Variants in ANKRD18A observed in about 807,000 individuals in gnomAD.
ANKRD18A encodes the protein ankyrin repeat domain 18A.
Under a neutral mutation model 110.6 loss-of-function variants are expected in ANKRD18A, and 72 were observed. The ratio of observed to expected loss-of-function variants is 0.65; its 90% CI spans 0.54 to 0.79. The LOEUF (loss-of-function observed/expected upper bound fraction) is 0.79, where lower values mean the gene tolerates loss of function less well. Among genes scored for constraint, ANKRD18A ranks in the 30% least tolerant of loss-of-function variants. The pLI, the probability that ANKRD18A is intolerant of heterozygous loss-of-function variation, is 0.00. For missense variants in ANKRD18A, 934 were observed against 1,163.3 expected, an observed-to-expected ratio of 0.80 and a Z score of 2.87; for synonymous variants, 305 against 410.3, an observed-to-expected ratio of 0.74 and a Z score of 3.10.
intron 6 of ANKRD18A, among the ~76,000 whole-genome samples, chr9:38,606,917 T>C (rs1004886748): frequency 2.0e-5 from 3 of 152,070 alleles, no homozygotes; most frequent in Non-Finnish European, 4.4e-5. Flanking sequence ...TTTCAGACAA[T>C]ACTGTTTGAG....
chr9:38,570,991 G>T, downstream of ANKRD18A: 1 of 1,041,856 alleles, frequency 9.6e-7, no homozygotes, highest in Non-Finnish European at 1.3e-6. Flanking sequence ...GGCCCTTCCT[G>T]AAGAGCCCCG....
Position 38,617,235 on chromosome 9 carries a change from T to A in ANKRD18A, c.207-1191A>T, listed in dbSNP as rs371902131. Among the ~76,000 whole-genome samples the A allele has an allele frequency of 9.9e-5, 15 of 152,128 alleles. No individual in the cohort carries two copies. The East Asian group carries it at 1.7e-3, about 18-fold the overall frequency. ...GGCAGGTGGATCTCTAGGTCAGGAG[T>A]TCAGGACCAGCCTGGCCAACATAGT... On this transcript the variant is annotated intron_variant, in intron 1 of 15. Transcript: ENST00000399703.
At chr9:38,591,767 G>A (rs1293049548) in intron 10 of ANKRD18A, among the ~76,000 whole-genome samples, 9 of 152,122 alleles carry the variant, frequency 5.9e-5, no homozygotes, top group Non-Finnish European at 1.0e-4. Context: ...CAACAGTCAC[G>A]TATGTACTAC....
At chr9:38,584,286 A>G (rs1270301459) in intron 12 of ANKRD18A, among the ~76,000 whole-genome samples, 1 of 152,208 alleles carries the variant, frequency 6.6e-6, no homozygotes, top group Non-Finnish European at 1.5e-5. Flanking sequence ...GCAGCATGAA[A>G]AATTATGCTA....
downstream of ANKRD18A, chr9:38,568,692 T>C: frequency 1.0e-6 from 1 of 971,926 alleles, no homozygotes; most frequent in Non-Finnish European, 1.2e-6. Flanking sequence ...TCCTGGGTAC[T>C]GACACCCTGC....
chr9:38,593,934 T>C, intron 9 of ANKRD18A, 25 bp from the exon 10 acceptor site: 2 of 1,450,992 alleles, frequency 1.4e-6, no homozygotes, highest in Non-Finnish European at 1.8e-6. Flanking sequence ...TTGTTACCAA[T>C]TTTATAAAGT....
rs1349473073 is a variant in ANKRD18A at position 38,595,514 on chromosome 9, T to C, written c.1826A>G (p.Gln609Arg). The change falls in exon 9 of 16, where the codon CAG becomes CGG. Residue 609 changes from glutamine to arginine, a missense_variant. By Grantham distance (43) the Gln-to-Arg change is conservative. Around this residue, in one of 4 missense-constraint regions of ANKRD18A, gnomAD observed 630 missense variants for 797.5 expected, o/e 0.79. Transcript: ENST00000399703. ...TCTTTCTGCTTTTTCTTTTTCACACTGAAGCAGTTTTTCTTTTAAATAATT... is the reference window on the plus strand; with the variant it reads ...TCTTTCTGCTTTTTCTTTTTCACACCGAAGCAGTTTTTCTTTTAAATAATT... ...EYNYLKEKLLQCEKEKAEREV... is the reference protein window; with the variant it reads ...EYNYLKEKLLRCEKEKAEREV... 1.3e-6 allele frequency: 2 copies of C among 1,497,034 alleles called. No homozygotes were observed. Among genetic ancestry groups the C allele is most frequent in the South Asian group, 2.7e-5 (2 of 73,268 alleles). The allele number at this position is 1,497,034 out of a possible 1,614,324, so 92.7% of individuals were successfully genotyped here. A position where few individuals can be genotyped will look rare whatever the true frequency, so the allele number is the denominator to read the frequency against.
chr9:38,596,526 A>G, intron 8 of ANKRD18A, 123 bp from the exon 9 acceptor site: 1 of 887,226 alleles, frequency 1.1e-6, no homozygotes, highest in Non-Finnish European at 1.6e-6. Context: ...TGGATATCCA[A>G]CTGGAGAAAA....
chr9:38,596,671 C>T (rs3005819), intron 8 of ANKRD18A, among the ~76,000 whole-genome samples: 1 of 152,076 alleles, frequency 6.6e-6, no homozygotes, highest in African/African-American at 2.4e-5. Flanking sequence ...TTGGAAAAGC[C>T]TTTCTCTGAA....
downstream of ANKRD18A, chr9:38,568,881 C>T (rs2118590192): frequency 1.0e-6 from 1 of 985,436 alleles, no homozygotes; most frequent in Admixed American, 6.1e-5. Context: ...TCTCGCTCCC[C>T]AGCAGGGGGC....
intron 7 of ANKRD18A, among the ~76,000 whole-genome samples, chr9:38,601,870 G>C (rs1825128829): frequency 6.6e-6 from 1 of 151,390 alleles, no homozygotes; most frequent in Admixed American, 6.6e-5. Context: ...ATAGTCCCAG[G>C]TACTCAAGAG....
intron 3 of ANKRD18A, 93 bp from the exon 4 acceptor site, chr9:38,611,414 T>G: frequency 6.7e-7 from 1 of 1,495,286 alleles, no homozygotes. Context: ...AACTTAAACA[T>G]GCAATATAGA....
intron 5 of ANKRD18A, among the ~76,000 whole-genome samples, chr9:38,609,195 G>A (rs1825488305): frequency 6.6e-6 from 1 of 152,068 alleles, no homozygotes; most frequent in Non-Finnish European, 1.5e-5. Flanking sequence ...CACTGTAGCT[G>A]TGGGCCGGGC....
In ANKRD18A at chr9:38,607,948, T is replaced by G. The variant is rs537196095; in HGVS notation, c.741-455A>C. ...AGTAAAGCAATGGAAAAATTTATTCTTGAACTGCATTGCTGAAACCATTTT... is the reference window on the plus strand; with the variant it reads ...AGTAAAGCAATGGAAAAATTTATTCGTGAACTGCATTGCTGAAACCATTTT... On this transcript the variant is annotated intron_variant, in intron 5 of 15. Coordinates refer to ENST00000399703, the MANE Select transcript of ANKRD18A (RefSeq NM_147195.4). Among the ~76,000 whole-genome samples the G allele has an allele frequency of 1.4e-3, 219 of 152,360 alleles. 1 individual carries two copies. Among genetic ancestry groups the G allele is most frequent in the African/African-American group, 4.9e-3 (202 of 41,580 alleles).
chr9:38,568,905 G>T (rs761989295), downstream of ANKRD18A: 1 of 985,322 alleles, frequency 1.0e-6, no homozygotes, highest in Admixed American at 6.1e-5. Context: ...TGTCCCACAG[G>T]TTGGATGACA....
intron 8 of ANKRD18A, among the ~76,000 whole-genome samples, chr9:38,597,547 A>C (rs1484082879): frequency 6.6e-6 from 1 of 152,138 alleles, no homozygotes; most frequent in Non-Finnish European, 1.5e-5. Flanking sequence ...TAACTCACCC[A>C]AAGCTCCTAA....
intron 12 of ANKRD18A, among the ~76,000 whole-genome samples, chr9:38,580,026 C>T (rs1356900353): frequency 6.6e-6 from 1 of 152,216 alleles, no homozygotes; most frequent in African/African-American, 2.4e-5. Flanking sequence ...CTTGTAGCCA[C>T]GTGGCTCAGT....
rs1009459280 is a variant in ANKRD18A at position 38,594,044 on chromosome 9, T to C, written c.1855-135A>G. 2.1e-5 allele frequency: 20 copies of C among 951,574 alleles called. No homozygotes were observed. The Admixed American group carries it at 2.2e-4, about 11-fold the overall frequency. The allele number at this position is 951,574 out of a possible 1,614,324, so 58.9% of individuals were successfully genotyped here. ...CACTTTCTTTTCCTCATATGTACACTTTCTTCTTTATTACTGAATTCAGTG... is the reference window on the plus strand; with the variant it reads ...CACTTTCTTTTCCTCATATGTACACCTTCTTCTTTATTACTGAATTCAGTG... On this transcript the variant is annotated intron_variant, in intron 9 of 15. Coordinates refer to ENST00000399703, the MANE Select transcript of ANKRD18A (RefSeq NM_147195.4).
Position 38,575,966 on chromosome 9 carries a change from G to A in ANKRD18A, c.2742-268C>T, listed in dbSNP as rs397839771. Among the ~76,000 whole-genome samples the A allele has an allele frequency of 6.0e-3, 913 of 152,244 alleles. 3 individuals are homozygous for A. The highest frequency in any genetic ancestry group is 0.014 in the Middle Eastern group (4 of 294). On this transcript the variant is annotated intron_variant, in intron 14 of 15. Transcript: ENST00000399703. ...AGAGAAATGGCTATCAGTGATGTAC[G>A]GCTCAACAGGTAACCTAGCTGCCTT... is the stretch of plus-strand genomic sequence containing the variant.
Sources: allele counts gnomAD v4.1 joint callset (sites outside exome capture counted in the v4.1 genomes callset), GRCh38; gene constraint gnomAD v4.1.1; regional missense constraint gnomAD v4.1.1; transcripts MANE v1.5; gene names NCBI Gene and HGNC (gene_info 2026-07-23, HGNC 2026-07-21).